KIF26B: variants seen among roughly 807,000 people sequenced by gnomAD.
KIF26B encodes kinesin-like protein KIF26B.
Under a neutral mutation model 151.2 loss-of-function variants are expected in KIF26B, and 63 were observed. The ratio of observed to expected loss-of-function variants is 0.42; its 90% CI spans 0.34 to 0.51. The LOEUF (loss-of-function observed/expected upper bound fraction) is 0.51. Among genes scored for constraint, KIF26B ranks in the 20% least tolerant of loss-of-function variants. KIF26B has a pLI of 0.07. For synonymous variants in KIF26B, 1,357 were observed against 1,262.1 expected (o/e 1.08, Z -1.59); for missense variants, 2,813 against 2,913.6 (o/e 0.97, Z 0.79).
At chr1:245,460,809 C>T (rs994456421) in intron 4 of KIF26B, among the ~76,000 whole-genome samples, 7 of 152,158 alleles carry the variant, frequency 4.6e-5, no homozygotes, top group African/African-American at 1.7e-4. Context: ...ACGGTGCCAC[C>T]CTGTCCAGAG....
At chr1:245,400,724 G>A (rs1056514728) in intron 3 of KIF26B, among the ~76,000 whole-genome samples, 3 of 152,106 alleles carry the variant, frequency 2.0e-5, no homozygotes, top group Non-Finnish European at 4.4e-5. Context: ...ATGTTGAAAT[G>A]ATAATATTTT....
chr1:245,656,113 GGAATATAA>G (rs2044070152), intron 10 of KIF26B, among the ~76,000 whole-genome samples: 1 of 95,260 alleles, frequency 1.0e-5, no homozygotes, highest in Non-Finnish European at 2.3e-5. Context: ...ATAAATACCA[GGAATATAA>G]CAGATGATCT....
chr1:245,165,165 T>C (rs1668595349), intron 2 of KIF26B, among the ~76,000 whole-genome samples: 1 of 149,456 alleles, frequency 6.7e-6, no homozygotes, highest in Admixed American at 6.7e-5. Flanking sequence ...TTGCAGTGGC[T>C]TGAGTGAAGA....
intron 2 of KIF26B, among the ~76,000 whole-genome samples, chr1:245,287,970 T>C (rs1208608171): frequency 6.6e-6 from 1 of 150,814 alleles, no homozygotes; most frequent in Non-Finnish European, 1.5e-5. Flanking sequence ...AAGAGTACTA[T>C]GATAGGCTTA....
chr1:245,245,196 C>A (rs1670303460), intron 2 of KIF26B, among the ~76,000 whole-genome samples: 1 of 152,172 alleles, frequency 6.6e-6, no homozygotes, highest in Admixed American at 6.5e-5. Flanking sequence ...ATGGCTTTGC[C>A]TGGTGTCTGT....
At chr1:245,213,942 A>G (rs1415584763) in intron 2 of KIF26B, among the ~76,000 whole-genome samples, 1 of 152,182 alleles carries the variant, frequency 6.6e-6, no homozygotes. Flanking sequence ...ACCCCTTCCC[A>G]TGACATTATT....
intron 4 of KIF26B, among the ~76,000 whole-genome samples, chr1:245,437,591 G>A (rs1179086044): frequency 6.6e-6 from 1 of 152,128 alleles, no homozygotes; most frequent in Non-Finnish European, 1.5e-5. Context: ...ATCATGCTTG[G>A]CTGGGGAATG....
At chr1:245,420,870 G>T (rs928385809) in intron 4 of KIF26B, among the ~76,000 whole-genome samples, 8 of 152,204 alleles carry the variant, frequency 5.3e-5, no homozygotes, top group Non-Finnish European at 1.2e-4. Context: ...CTCTGATTAG[G>T]ACAGCGGCAA....
intron 9 of KIF26B, among the ~76,000 whole-genome samples, chr1:245,616,738 G>A (rs912510109): frequency 2.6e-5 from 4 of 152,130 alleles, no homozygotes; most frequent in Non-Finnish European, 5.9e-5. Flanking sequence ...GAGATTCTTG[G>A]AGTATTTTGG....
intron 2 of KIF26B, among the ~76,000 whole-genome samples, chr1:245,221,755 C>T (rs1265897037): frequency 6.6e-6 from 1 of 152,224 alleles, no homozygotes; most frequent in Non-Finnish European, 1.5e-5. Context: ...ACTTGACAAA[C>T]TCAGGCAGCC....
At chr1:245,382,734 A>T (rs911738215) in intron 3 of KIF26B, among the ~76,000 whole-genome samples, 4 of 151,602 alleles carry the variant, frequency 2.6e-5, no homozygotes, top group Non-Finnish European at 5.9e-5. Flanking sequence ...ACGCCCGGCT[A>T]ATTTTGTATT....
In KIF26B at chr1:245,681,080, GTGCTCA is replaced by G. The variant is rs549497426; in HGVS notation, c.2259-3150_2259-3145del. 4.1e-3 allele frequency among the ~76,000 whole-genome samples: 620 copies of G among 152,280 alleles called. 7 individuals are homozygous for G. Among genetic ancestry groups the G allele is most frequent in the African/African-American group, 0.014 (580 of 41,550 alleles). On this transcript the variant is annotated intron_variant, in intron 10 of 14. Coordinates refer to ENST00000407071, the MANE Select transcript of KIF26B (RefSeq NM_018012.4). ...ACACTTCTTTCAGGTAGGAGCTACA[GTGCTCA>G]TGGGGGTCTAGTGTTAATGAATCAA...
intron 5 of KIF26B, among the ~76,000 whole-genome samples, chr1:245,586,958 G>A (rs571329063): frequency 6.6e-6 from 1 of 151,106 alleles, no homozygotes; most frequent in East Asian, 2.0e-4. Flanking sequence ...GCTATTTGCC[G>A]AGAACTTCTC....
chr1:245,660,747 T>C (rs2044127697), intron 10 of KIF26B, among the ~76,000 whole-genome samples: 3 of 152,192 alleles, frequency 2.0e-5, no homozygotes, highest in Admixed American at 6.5e-5. Flanking sequence ...CTGCTTTGTC[T>C]GTATCCTCAA....
intron 12 of KIF26B, among the ~76,000 whole-genome samples, chr1:245,690,411 C>T (rs1287727766): frequency 2.6e-5 from 4 of 152,198 alleles, no homozygotes; most frequent in Non-Finnish European, 5.9e-5. Context: ...TAGGGCTTCC[C>T]CTTTCCTACT....
At chr1:245,586,331 C>T (rs566032750) in intron 5 of KIF26B, among the ~76,000 whole-genome samples, 37 of 152,008 alleles carry the variant, frequency 2.4e-4, no homozygotes, top group African/African-American at 8.7e-4. Context: ...TAACTAACTT[C>T]ATAACACTCC....
chr1:245,418,527 A>G (rs544285075), intron 3 of KIF26B, among the ~76,000 whole-genome samples: 2 of 152,356 alleles, frequency 1.3e-5, no homozygotes, highest in South Asian at 2.1e-4. Context: ...GGCTACTCTT[A>G]GGGCTCGCTG....
intron 2 of KIF26B, among the ~76,000 whole-genome samples, chr1:245,280,600 T>TGG (rs1671028006): frequency 1.5e-5 from 2 of 135,106 alleles, no homozygotes; most frequent in Non-Finnish European, 3.2e-5. Flanking sequence ...AGTTTTCGTT[T>TGG]TTTTTTTTTT....
intron 4 of KIF26B, among the ~76,000 whole-genome samples, chr1:245,535,813 T>C (rs1285030616): frequency 6.6e-6 from 1 of 152,230 alleles, no homozygotes; most frequent in Admixed American, 6.5e-5. Context: ...CTACTACTTA[T>C]TATTTATTAT....
Sources: allele counts gnomAD v4.1 joint callset (sites outside exome capture counted in the v4.1 genomes callset), GRCh38; gene constraint gnomAD v4.1.1; transcripts MANE v1.5; gene names NCBI Gene and HGNC (gene_info 2026-07-23, HGNC 2026-07-21).